Variants in KAZN observed in about 807,000 individuals in gnomAD.
KAZN encodes the protein kazrin, periplakin interacting protein, also known as kazrin.
In KAZN, 40 loss-of-function variants were observed where a neutral mutation model predicts 87.4. The ratio of observed to expected loss-of-function variants is 0.46; its 90% confidence interval spans 0.36 to 0.60. The LOEUF (loss-of-function observed/expected upper bound fraction) is 0.60, where lower values mean the gene tolerates loss of function less well. KAZN is among the 20% of genes least tolerant of loss of function. The probability of loss-of-function intolerance (pLI) is 0.00; values close to 1 mark genes in which losing one functional copy is unlikely to be tolerated. For synonymous variants in KAZN, 466 were observed against 458.3 expected, an observed-to-expected ratio of 1.02 and a Z score of -0.22; for missense variants, 898 against 1,073.9, an observed-to-expected ratio of 0.84 and a Z score of 2.29.
intron 1 of KAZN, among the ~76,000 whole-genome samples, chr1:14,950,087 C>T (rs1056612249): frequency 3.3e-5 from 5 of 152,092 alleles, no homozygotes. Flanking sequence ...ACCCTCCACA[C>T]CCACCCGTAG....
At chr1:14,913,800 G>A (rs577184910) in intron 1 of KAZN, among the ~76,000 whole-genome samples, 6 of 152,250 alleles carry the variant, frequency 3.9e-5, no homozygotes, top group Non-Finnish European at 7.3e-5. Context: ...TCTGGTGGGC[G>A]GGTAGACAGG....
At chr1:14,035,857 A>G (rs1641533205) in intron 1 of KAZN, among the ~76,000 whole-genome samples, 2 of 151,772 alleles carry the variant, frequency 1.3e-5, no homozygotes, top group South Asian at 4.2e-4. Context: ...ATGTCTGCCC[A>G]CTCTTCAATT....
chr1:14,768,330 T>G (rs1391943133), intron 1 of KAZN, among the ~76,000 whole-genome samples: 1 of 152,236 alleles, frequency 6.6e-6, no homozygotes, highest in Non-Finnish European at 1.5e-5. Context: ...GCCAGGCATC[T>G]CATGTGCCAA....
At chr1:14,770,314 G>A (rs983739546) in intron 1 of KAZN, among the ~76,000 whole-genome samples, 15 of 152,346 alleles carry the variant, frequency 9.8e-5, no homozygotes, top group South Asian at 6.2e-4. Context: ...TGAAGCTAAT[G>A]TATGTAGCCA....
intron 1 of KAZN, among the ~76,000 whole-genome samples, chr1:14,787,838 G>A (rs1054961306): frequency 2.0e-5 from 3 of 152,144 alleles, no homozygotes; most frequent in Non-Finnish European, 4.4e-5. Context: ...GGTGAGGCCT[G>A]AACGGGGGTG....
chr1:13,901,911 C>A (rs1183424820), intron 1 of KAZN, among the ~76,000 whole-genome samples: 2 of 152,252 alleles, frequency 1.3e-5, no homozygotes, highest in African/African-American at 4.8e-5. Context: ...GATGTTTGCT[C>A]CCTTTCCTTG....
Position 14,419,267 on chromosome 1 carries a change from T to C in KAZN, c.250-179716T>C, listed in dbSNP as rs533997813. 2.0e-5 allele frequency among the ~76,000 whole-genome samples: 3 copies of C among 152,324 alleles called. No individual in the cohort carries two copies. In the East Asian group the frequency reaches 5.8e-4, roughly 29 times the overall value. ...TAAACTGAAGCCCAGAGAAATTCAG[T>C]GACTTTCCCAAAGTCATAAAGCGCA... On this transcript the variant is annotated intron_variant, in intron 2 of 16. Transcript: ENST00000636203.
chr1:14,266,211 G>A (rs1002641592), intron 2 of KAZN, among the ~76,000 whole-genome samples: 7 of 152,170 alleles, frequency 4.6e-5, no homozygotes, highest in South Asian at 4.1e-4. Flanking sequence ...ACTTAACCAC[G>A]CAGCCAGAAT....
chr1:14,419,525 G>T (rs775011896), intron 2 of KAZN, among the ~76,000 whole-genome samples: 1 of 152,208 alleles, frequency 6.6e-6, no homozygotes, highest in South Asian at 2.1e-4. Flanking sequence ...TCTGTGTGGG[G>T]AAGTGTCCGG....
At chr1:14,626,365 G>A (rs1428346946) in intron 1 of KAZN, among the ~76,000 whole-genome samples, 1 of 152,204 alleles carries the variant, frequency 6.6e-6, no homozygotes, top group East Asian at 1.9e-4. Flanking sequence ...GCGTGCTTTT[G>A]TAGAACACTT....
At chr1:15,006,116 C>T (rs2102046472) in intron 2 of KAZN, among the ~76,000 whole-genome samples, 1 of 152,374 alleles carries the variant, frequency 6.6e-6, no homozygotes, top group East Asian at 1.9e-4. Flanking sequence ...CAAACCCACT[C>T]ACTGGCCAGC....
At chr1:13,981,089 T>TCTCTCTCTCTCTCTA (rs1553181094) in intron 1 of KAZN, among the ~76,000 whole-genome samples, 2 of 63,134 alleles carry the variant, frequency 3.2e-5, no homozygotes, top group African/African-American at 1.2e-4. Flanking sequence ...AAATTACTCT[T>TCTCTCTCTCTCTCTA]TATATATATA....
At chr1:14,408,651 G>T in intron 2 of KAZN, among the ~76,000 whole-genome samples, 1 of 152,118 alleles carries the variant, frequency 6.6e-6, no homozygotes, top group East Asian at 1.9e-4. Context: ...TACCCTATCA[G>T]ATCAAGGCCT....
At chr1:14,844,144 G>A (rs183403593) in intron 1 of KAZN, among the ~76,000 whole-genome samples, 8 of 152,234 alleles carry the variant, frequency 5.3e-5, no homozygotes, top group African/African-American at 1.9e-4. Context: ...GACTGAGCCT[G>A]CTTCTACCCA....
intron 1 of KAZN, among the ~76,000 whole-genome samples, chr1:14,089,408 G>C (rs183897327): frequency 6.6e-6 from 1 of 151,846 alleles, no homozygotes; most frequent in African/African-American, 2.4e-5. Context: ...TATTTTTTAT[G>C]ATTCTATTTT....
chr1:14,010,001 C>T (rs1186518957), intron 1 of KAZN, among the ~76,000 whole-genome samples: 1 of 152,056 alleles, frequency 6.6e-6, no homozygotes, highest in Non-Finnish European at 1.5e-5. Flanking sequence ...AAGATGTTGC[C>T]CAAGACTATT....
chr1:15,039,327 G>A (rs534840731), intron 3 of KAZN, among the ~76,000 whole-genome samples: 2 of 152,290 alleles, frequency 1.3e-5, no homozygotes, highest in South Asian at 4.1e-4. Flanking sequence ...AACCCAGGAG[G>A]TCTAGTCCCA....
intron 1 of KAZN, among the ~76,000 whole-genome samples, chr1:14,853,362 T>C (rs534667324): frequency 6.6e-6 from 1 of 152,142 alleles, no homozygotes; most frequent in Admixed American, 6.5e-5. Context: ...ACCTGCCCAA[T>C]GTTACCTCGT....
At chr1:13,973,058 C>CT (rs1642192037) in intron 1 of KAZN, among the ~76,000 whole-genome samples, 1 of 152,102 alleles carries the variant, frequency 6.6e-6, no homozygotes, top group Non-Finnish European at 1.5e-5. Context: ...CCTTTTCCTC[C>CT]TTGTCTTCCT....
Sources: allele counts gnomAD v4.1 joint callset (sites outside exome capture counted in the v4.1 genomes callset), GRCh38; gene constraint gnomAD v4.1.1; transcripts MANE v1.5; gene names NCBI Gene and HGNC (gene_info 2026-07-23, HGNC 2026-07-21).